SORBS2: variants seen among roughly 807,000 people sequenced by gnomAD.
The protein encoded by SORBS2 is sorbin and SH3 domain-containing protein 2.
Under a neutral mutation model 97.7 loss-of-function variants are expected in SORBS2, and 46 were observed. The ratio of observed to expected loss-of-function variants is 0.47; its 90% CI spans 0.37 to 0.60. SORBS2 has a LOEUF of 0.60. Among genes scored for constraint, SORBS2 ranks in the 20% least tolerant of loss-of-function variants. The pLI, the probability that SORBS2 is intolerant of heterozygous loss-of-function variation, is 0.00. For missense variants in SORBS2, 1,316 were observed against 1,282.3 expected (o/e 1.03, Z -0.40); for synonymous variants, 476 against 473.4 (o/e 1.01, Z -0.07).
chr4:185,872,605 A>C (rs945248727), intron 1 of SORBS2, among the ~76,000 whole-genome samples: 1 of 152,250 alleles, frequency 6.6e-6, no homozygotes, highest in Non-Finnish European at 1.5e-5. Flanking sequence ...ATACCAAAAA[A>C]GGCCACAAGA....
intron 1 of SORBS2, among the ~76,000 whole-genome samples, chr4:185,798,692 G>T (rs1030470927): frequency 3.3e-5 from 5 of 152,118 alleles, no homozygotes; most frequent in African/African-American, 9.7e-5. Context: ...GCTTAATTAA[G>T]CTGTATGCAA....
intron 1 of SORBS2, among the ~76,000 whole-genome samples, chr4:185,779,228 C>G (rs2099015450): frequency 1.3e-5 from 2 of 152,120 alleles, no homozygotes; most frequent in African/African-American, 4.8e-5. Context: ...GGTTCGAATC[C>G]TCATCCTGCC....
At chr4:185,630,205 A>T (rs910716191) in intron 5 of SORBS2, among the ~76,000 whole-genome samples, 5 of 152,136 alleles carry the variant, frequency 3.3e-5, no homozygotes, top group East Asian at 1.9e-4. Flanking sequence ...TTAATCTATA[A>T]TTTTTTTCAA....
intron 7 of SORBS2, among the ~76,000 whole-genome samples, chr4:185,621,304 T>C (rs1386998597): frequency 1.3e-5 from 2 of 152,160 alleles, no homozygotes; most frequent in Non-Finnish European, 2.9e-5. Flanking sequence ...TTTAAATTAC[T>C]TTTTCTAACC....
intron 2 of SORBS2, among the ~76,000 whole-genome samples, chr4:185,700,461 T>C (rs1485460844): frequency 6.6e-6 from 1 of 152,112 alleles, no homozygotes. Context: ...TGAGGTTTAT[T>C]TTTTTCTTTC....
chr4:185,882,071 T>C (rs559071621), intron 1 of SORBS2, among the ~76,000 whole-genome samples: 65 of 152,336 alleles, frequency 4.3e-4, no homozygotes, highest in African/African-American at 1.3e-3. Context: ...TTCCCTTGCA[T>C]TAATGCAAAA....
chr4:185,670,103 C>T (rs1234500726), intron 4 of SORBS2, among the ~76,000 whole-genome samples: 4 of 152,016 alleles, frequency 2.6e-5, no homozygotes, highest in Admixed American at 1.3e-4. Flanking sequence ...CCTGTAATCC[C>T]AGCTACTCTG....
At chr4:185,753,997 G>C (rs142287628) in intron 2 of SORBS2, among the ~76,000 whole-genome samples, 1 of 152,142 alleles carries the variant, frequency 6.6e-6, no homozygotes, top group East Asian at 1.9e-4. Flanking sequence ...ACACATGCAC[G>C]CATATATTCA....
chr4:185,649,501 G>C (rs1457552046), exon 3 of SORBS2: 3 of 1,594,320 alleles, frequency 1.9e-6, no homozygotes, highest in African/African-American at 1.4e-5. Flanking sequence ...GGTCGAAGCG[G>C]CGGGACTGGA....
At chr4:185,691,411 A>T (rs947227265) in intron 2 of SORBS2, among the ~76,000 whole-genome samples, 1 of 152,188 alleles carries the variant, frequency 6.6e-6, no homozygotes, top group African/African-American at 2.4e-5. Flanking sequence ...ATATTTATAC[A>T]AATGGTTTTT....
intron 1 of SORBS2, among the ~76,000 whole-genome samples, chr4:185,939,986 C>A (rs1024121635): frequency 1.3e-5 from 2 of 152,170 alleles, no homozygotes; most frequent in Non-Finnish European, 1.5e-5. Context: ...GCATTTGACC[C>A]AGATGAGCCG....
intron 1 of SORBS2, among the ~76,000 whole-genome samples, chr4:185,853,475 G>A (rs1284773417): frequency 1.3e-5 from 2 of 152,088 alleles, no homozygotes; most frequent in African/African-American, 4.8e-5. Flanking sequence ...TATTCACACG[G>A]GGGCCAATTA....
intron 1 of SORBS2, among the ~76,000 whole-genome samples, chr4:185,807,043 C>T (rs946198476): frequency 6.6e-6 from 1 of 152,162 alleles, no homozygotes; most frequent in East Asian, 1.9e-4. Flanking sequence ...ACTGGGAAAA[C>T]ATCTCAGAGG....
intron 1 of SORBS2, among the ~76,000 whole-genome samples, chr4:185,943,848 G>A (rs997827809): frequency 2.0e-5 from 3 of 152,170 alleles, no homozygotes; most frequent in Non-Finnish European, 4.4e-5. Context: ...AGTGAAGTAC[G>A]TCATGATGCC....
At chr4:185,913,241 T>C (rs2099256303) in intron 1 of SORBS2, among the ~76,000 whole-genome samples, 1 of 152,206 alleles carries the variant, frequency 6.6e-6, no homozygotes, top group Admixed American at 6.5e-5. Flanking sequence ...AAGCATTATA[T>C]AAAACAGAGT....
At chr4:185,626,933 G>T (rs149162865) in exon 6 of SORBS2, 1 of 1,614,136 alleles carries the variant, frequency 6.2e-7, no homozygotes, top group Non-Finnish European at 8.5e-7. Flanking sequence ...AGTCCTGCTC[G>T]CACTTTGATC....
At chr4:185,663,883 CTCGCT>C (rs2097558528) in intron 4 of SORBS2, among the ~76,000 whole-genome samples, 1 of 118,672 alleles carries the variant, frequency 8.4e-6, no homozygotes, top group Non-Finnish European at 1.6e-5. Context: ...GAGATGGAGT[CTCGCT>C]CTGTCGCCCA....
At chr4:185,948,616 C>T (rs925989908) in intron 1 of SORBS2, among the ~76,000 whole-genome samples, 1 of 141,674 alleles carries the variant, frequency 7.1e-6, no homozygotes. Flanking sequence ...CTCCTGGGTT[C>T]AAGCAATTCT....
intron 1 of SORBS2, among the ~76,000 whole-genome samples, chr4:185,802,411 T>A (rs1049138108): frequency 6.6e-6 from 1 of 152,252 alleles, no homozygotes; most frequent in Non-Finnish European, 1.5e-5. Flanking sequence ...ATGATTTTTT[T>A]AATATACAGT....
Sources: allele counts gnomAD v4.1 joint callset (sites outside exome capture counted in the v4.1 genomes callset), GRCh38; gene constraint gnomAD v4.1.1; transcripts MANE v1.5; gene names NCBI Gene and HGNC (gene_info 2026-07-23, HGNC 2026-07-21).